ZHX3: variants seen among roughly 807,000 people sequenced by gnomAD.
The protein encoded by ZHX3 is zinc fingers and homeoboxes protein 3.
A neutral mutation model predicts 64.5 loss-of-function variants in ZHX3; 20 were observed. The observed-to-expected ratio is 0.31, with a 90% confidence interval of 0.22 to 0.45. ZHX3 has a LOEUF of 0.45. Among genes scored for constraint, ZHX3 ranks in the 20% least tolerant of loss-of-function variants. The pLI, the probability that ZHX3 is intolerant of heterozygous loss-of-function variation, is 1.00. For synonymous variants in ZHX3, 423 were observed against 461.6 expected, an observed-to-expected ratio of 0.92 and a Z score of 1.07; for missense variants, 1,041 against 1,195.8, an observed-to-expected ratio of 0.87 and a Z score of 1.91.
chr20:41,245,140 A>T lies in ZHX3; in HGVS notation c.-151+23850T>A, dbSNP rs539880018. ...TGCCCACTGAGTGTCAATTCTGGGC[A>T]AGGCACATTGCATGAGTCACCACCT... is the stretch of plus-strand genomic sequence containing the variant. On this transcript the variant is annotated intron_variant, in intron 2 of 3. Transcript: ENST00000683867. Among the ~76,000 whole-genome samples, 8 of 152,376 alleles carry T rather than the reference A, an allele frequency of 5.3e-5. No homozygotes were observed. In the East Asian group the frequency reaches 1.5e-3, roughly 29 times the overall value.
At chr20:41,215,708 G>C (rs1194688861) in intron 2 of ZHX3, among the ~76,000 whole-genome samples, 5 of 150,874 alleles carry the variant, frequency 3.3e-5, no homozygotes, top group Admixed American at 6.6e-5. Context: ...GCCAAGGAGG[G>C]TGGATCACAA....
At chr20:41,256,463 A>AT (rs1367389598) in intron 2 of ZHX3, among the ~76,000 whole-genome samples, 6 of 151,890 alleles carry the variant, frequency 4.0e-5, no homozygotes, top group African/African-American at 1.2e-4. Context: ...GACAAATTAG[A>AT]TTTTTTCCCC....
intron 2 of ZHX3, among the ~76,000 whole-genome samples, 163 bp downstream of exon 2, chr20:41,268,827 C>T (rs1038704083): frequency 6.6e-6 from 1 of 152,118 alleles, no homozygotes; most frequent in Non-Finnish European, 1.5e-5. Context: ...TGATCAAAGA[C>T]TTCAGCAATA....
At chr20:41,252,846 T>C (rs1037482349) in intron 2 of ZHX3, among the ~76,000 whole-genome samples, 11 of 152,294 alleles carry the variant, frequency 7.2e-5, no homozygotes, top group African/African-American at 2.4e-4. Flanking sequence ...ACGAACCCCA[T>C]TAAAGTCAAA....
At chr20:41,280,276 A>G (rs1003364704) in intron 1 of ZHX3, among the ~76,000 whole-genome samples, 1 of 152,176 alleles carries the variant, frequency 6.6e-6, no homozygotes, top group African/African-American at 2.4e-5. Context: ...TGCACATCAG[A>G]ATCATCTGCT....
At position 41,202,745 on chromosome 20, in the gene ZHX3, G is replaced by A; in HGVS notation, c.2172C>T (p.Pro724=). Residue 724 remains proline (P), a synonymous_variant, in exon 3 of 4, where the codon CCC becomes CCT. Transcript: ENST00000683867. This position sits in a 1 kb window ranked among gnomAD's most constrained non-coding sequence, Gnocchi z 7.0. ...TCAGGTTCTTCAGGTTGATTTTAAT[G>A]GGGCTGACTTTGCGCTCTGCCAAGA... ...SHILAERKVS[P]IKINLKNLRV... is the part of the protein sequence containing the mutation. The A allele has an allele frequency of 6.2e-7, 1 of 1,614,062 alleles. No homozygotes were observed. Among genetic ancestry groups the A allele is most frequent in the Non-Finnish European group, 8.5e-7 (1 of 1,180,020 alleles).
At chr20:41,264,545 G>C (rs1212281178) in intron 2 of ZHX3, among the ~76,000 whole-genome samples, 1 of 135,388 alleles carries the variant, frequency 7.4e-6, no homozygotes, top group Non-Finnish European at 1.5e-5. Flanking sequence ...GGCAACAAGA[G>C]TGAAACTCCA....
chr20:41,194,772 G>C (rs546784525), intron 3 of ZHX3, among the ~76,000 whole-genome samples: 2 of 152,248 alleles, frequency 1.3e-5, no homozygotes, highest in African/African-American at 4.8e-5. Flanking sequence ...TTTGTCAGTT[G>C]ATTTTGGGAG....
chr20:41,249,879 C>A (rs556396824), intron 2 of ZHX3, among the ~76,000 whole-genome samples: 1 of 152,180 alleles, frequency 6.6e-6, no homozygotes, highest in Non-Finnish European at 1.5e-5. Context: ...TATGACCACA[C>A]CCCCATTCAA....
chr20:41,219,623 T>A lies in ZHX3; in HGVS notation c.-150-14557A>T, dbSNP rs1299645856. Among the ~76,000 whole-genome samples, 1 of 152,262 alleles carries A rather than the reference T, an allele frequency of 6.6e-6. No individual in the cohort carries two copies. The highest frequency in any genetic ancestry group is 1.5e-5 in the Non-Finnish European group (1 of 68,040). ...CAAATAGAGTTGAGGACTTACTATG[T>A]GCTAGGCACTGGGTATACAAGGATT... On this transcript the variant is annotated intron_variant, in intron 2 of 3. Coordinates refer to ENST00000683867, the MANE Select transcript of ZHX3 (RefSeq NM_001384317.1). This position sits in a 1 kb window ranked among gnomAD's most constrained non-coding sequence, Gnocchi z 5.0.
chr20:41,186,619 A>G (rs1568779150), intron 3 of ZHX3, among the ~76,000 whole-genome samples: 2 of 152,206 alleles, frequency 1.3e-5, no homozygotes, highest in Non-Finnish European at 2.9e-5. Context: ...GCAATGCACA[A>G]GGGATCCAGT....
In ZHX3 at chr20:41,280,364, T is replaced by TA. The variant is rs551932015; in HGVS notation, c.-244-11282dup. On this transcript the variant is annotated intron_variant, in intron 1 of 3. Transcript: ENST00000683867. ...AGTATTTATAGAGGGAAGAGGGATC[T>TA]AGGCATTTGTATTTAAATATTCTCC... 6.6e-5 allele frequency among the ~76,000 whole-genome samples: 10 copies of TA among 152,316 alleles called. No homozygotes were observed. The South Asian group carries it at 2.1e-3, about 32-fold the overall frequency.
chr20:41,207,635 T>G (rs1370862308), intron 2 of ZHX3, among the ~76,000 whole-genome samples: 1 of 152,258 alleles, frequency 6.6e-6, no homozygotes, highest in African/African-American at 2.4e-5. Context: ...AAAGATGTTC[T>G]TTGAAACCAA....
chr20:41,286,022 C>A (rs2043919153), intron 1 of ZHX3, among the ~76,000 whole-genome samples: 1 of 152,156 alleles, frequency 6.6e-6, no homozygotes, highest in African/African-American at 2.4e-5. Flanking sequence ...GAGTAGTAGT[C>A]ACTGTTGAGA....
chr20:41,300,239 A>G (rs1466714048), intron 1 of ZHX3: 1 of 152,192 alleles, frequency 6.6e-6, no homozygotes, highest in African/African-American at 2.4e-5. Context: ...CCAAATTACC[A>G]GGCAAGAAAT....
intron 2 of ZHX3, among the ~76,000 whole-genome samples, chr20:41,236,556 C>T (rs965408568): frequency 1.5e-4 from 23 of 152,266 alleles, no homozygotes; most frequent in African/African-American, 5.1e-4. Flanking sequence ...GCTGGGAAAA[C>T]GGGCTAGCCA....
chr20:41,263,395 A>T (rs1241249505), intron 2 of ZHX3, among the ~76,000 whole-genome samples: 1 of 140,240 alleles, frequency 7.1e-6, no homozygotes, highest in Non-Finnish European at 1.5e-5. Context: ...CATTAGAGGA[A>T]TTTTTTTTTT....
At chr20:41,222,233 A>T (rs2039991929) in intron 2 of ZHX3, among the ~76,000 whole-genome samples, 1 of 152,180 alleles carries the variant, frequency 6.6e-6, no homozygotes, top group Non-Finnish European at 1.5e-5. Context: ...AAGACTTCCT[A>T]AAGGAATGGA....
rs2040154397 is a variant in ZHX3 at position 41,224,750 on chromosome 20, A to G, written c.-150-19684T>C. Among the ~76,000 whole-genome samples, 1 of 152,240 alleles carries G rather than the reference A, an allele frequency of 6.6e-6. No individual in the cohort carries two copies. Among genetic ancestry groups the G allele is most frequent in the African/African-American group, 2.4e-5 (1 of 41,464 alleles). On this transcript the variant is annotated intron_variant, in intron 2 of 3. Coordinates refer to ENST00000683867, the MANE Select transcript of ZHX3 (RefSeq NM_001384317.1). This position sits in a 1 kb window ranked among gnomAD's most constrained non-coding sequence, Gnocchi z 5.2. ...AATTCCAACAGAGGACTTCTGAGCT[A>G]TCTTCCCCTTTGCCTCTTTGAAATC...
Sources: gnomAD v4.1 joint callset for allele counts (sites outside exome capture counted in the v4.1 genomes callset) on GRCh38, gnomAD v4.1.1 for gene constraint, Gnocchi (gnomAD v3.1) non-coding constraint, MANE v1.5 for transcripts, NCBI Gene and HGNC (gene_info 2026-07-23, HGNC 2026-07-21) for gene names.